AOPEP: variants seen among roughly 807,000 people sequenced by gnomAD.
AOPEP encodes the protein aminopeptidase O (putative).
A neutral mutation model predicts 98.1 loss-of-function variants in AOPEP; 77 were observed. That is an observed-to-expected ratio of 0.78 (90% CI 0.65 to 0.95). The LOEUF is 0.95. Ranked by LOEUF, AOPEP falls within the 40% of genes least tolerant of loss-of-function variation. AOPEP has a pLI of 0.00. For synonymous variants in AOPEP, 346 were observed against 365.3 expected (o/e 0.95, Z 0.60); for missense variants, 1,024 against 1,024.7 (o/e 1.00, Z 0.01).
At chr9:95,086,010 T>C in intron 16 of AOPEP, 2 of 1,366,630 alleles carry the variant, frequency 1.5e-6, no homozygotes, top group Non-Finnish European at 2.0e-6. Context: ...GGGCTGTCGA[T>C]TGGACCCGCC....
chr9:94,770,459 G>C (rs1248999056), intron 2 of AOPEP, among the ~76,000 whole-genome samples: 2 of 152,160 alleles, frequency 1.3e-5, no homozygotes, highest in Non-Finnish European at 2.9e-5. Context: ...CTGTTGGCCG[G>C]GGCTGCAGGT....
chr9:94,776,207 G>A (rs1338831778), intron 3 of AOPEP, among the ~76,000 whole-genome samples: 1 of 152,056 alleles, frequency 6.6e-6, no homozygotes, highest in African/African-American at 2.4e-5. Flanking sequence ...TAGCATGCTA[G>A]ACACATTTTT....
At chr9:94,957,681 A>G (rs1320932004) in intron 9 of AOPEP, among the ~76,000 whole-genome samples, 1 of 152,246 alleles carries the variant, frequency 6.6e-6, no homozygotes, top group Non-Finnish European at 1.5e-5. Flanking sequence ...CACCAAACCC[A>G]GAAGAAATCA....
chr9:95,121,944 G>T, the AOPEP span, among the ~76,000 whole-genome samples: 3 of 149,858 alleles, frequency 2.0e-5, no homozygotes, highest in Non-Finnish European at 4.4e-5. Context: ...TGCAAGCTCC[G>T]CCTCCCGGGT....
intron 13 of AOPEP, among the ~76,000 whole-genome samples, chr9:95,007,897 G>T (rs1194869781): frequency 6.6e-6 from 1 of 152,182 alleles, no homozygotes; most frequent in Non-Finnish European, 1.5e-5. Flanking sequence ...GCTAGGATTT[G>T]AACCTGTTAT....
At chr9:94,891,467 ATTC>A (rs1022162269) in intron 5 of AOPEP, among the ~76,000 whole-genome samples, 2 of 151,662 alleles carry the variant, frequency 1.3e-5, no homozygotes, top group African/African-American at 4.8e-5. Flanking sequence ...TTGTTTTGTT[ATTC>A]TTCTGTTTCT....
At chr9:94,878,759 C>T (rs947514061) in intron 5 of AOPEP, among the ~76,000 whole-genome samples, 4 of 152,156 alleles carry the variant, frequency 2.6e-5, no homozygotes, top group African/African-American at 9.7e-5. Context: ...GCTAACTTTG[C>T]CAATTTCAGT....
At chr9:94,826,020 T>A (rs1854449317) in intron 5 of AOPEP, among the ~76,000 whole-genome samples, 1 of 152,228 alleles carries the variant, frequency 6.6e-6, no homozygotes, top group Non-Finnish European at 1.5e-5. Flanking sequence ...TGACCCATAT[T>A]TTTTTAATGT....
At chr9:94,895,986 A>G (rs997756331) in intron 5 of AOPEP, among the ~76,000 whole-genome samples, 3 of 152,172 alleles carry the variant, frequency 2.0e-5, no homozygotes, top group Non-Finnish European at 4.4e-5. Context: ...AGCCTAAAAT[A>G]TTTGCTATCC....
At chr9:95,147,106 T>C in the AOPEP span, among the ~76,000 whole-genome samples, 2 of 151,752 alleles carry the variant, frequency 1.3e-5, no homozygotes, top group African/African-American at 4.8e-5. Context: ...TTTACAATAT[T>C]CTATTTGAAA....
At chr9:94,773,259 C>A in intron 3 of AOPEP, 91 bp downstream of exon 3, 1 of 1,165,298 alleles carries the variant, frequency 8.6e-7, no homozygotes, top group Non-Finnish European at 1.2e-6. Flanking sequence ...CTTTAAAGAG[C>A]TCCTTTATTA....
chr9:95,099,159 C>T, the AOPEP span: 5 of 216,820 alleles, frequency 2.3e-5, no homozygotes, highest in Admixed American at 5.8e-5. Flanking sequence ...AGGGGAATAA[C>T]AGCCTGGTTG....
chr9:94,753,692 C>T (rs1836348502), intron 1 of AOPEP, among the ~76,000 whole-genome samples: 1 of 152,096 alleles, frequency 6.6e-6, no homozygotes, highest in Non-Finnish European at 1.5e-5. Context: ...TTTTAAATAG[C>T]CAGCCAAATG....
chr9:95,105,494 CTGAGA>C, the AOPEP span, among the ~76,000 whole-genome samples: 1 of 152,202 alleles, frequency 6.6e-6, no homozygotes, highest in East Asian at 1.9e-4. Flanking sequence ...GGTGCTTTTT[CTGAGA>C]TGAGTATTTT....
At position 94,960,844 on chromosome 9, in the gene AOPEP, C is replaced by T. The variant is rs540681361; in HGVS notation, c.1872+4829C>T. Among the ~76,000 whole-genome samples the T allele has an allele frequency of 2.4e-4, 37 of 152,076 alleles. 1 individual carries two copies. In the South Asian group the frequency reaches 6.0e-3, roughly 25 times the overall value. On this transcript the variant is annotated intron_variant, in intron 9 of 16. Transcript: ENST00000375315. ...TGGCTAACACGGTGAAACCCCGTCT[C>T]TACTAAAAATACAAAAAATTAGCCG...
intron 4 of AOPEP, among the ~76,000 whole-genome samples, chr9:94,799,158 A>G (rs912723274): frequency 6.6e-5 from 10 of 152,324 alleles, no homozygotes. Flanking sequence ...AGTGAAAGGT[A>G]CTTCTTACAT....
the AOPEP span, among the ~76,000 whole-genome samples, chr9:95,122,047 A>C: frequency 1.3e-5 from 2 of 151,714 alleles, no homozygotes; most frequent in Non-Finnish European, 2.9e-5. Flanking sequence ...TTTAGTAGAG[A>C]CAGGGTTTCA....
chr9:94,886,569 A>T (rs185199492), intron 5 of AOPEP, among the ~76,000 whole-genome samples: 2 of 152,196 alleles, frequency 1.3e-5, no homozygotes, highest in African/African-American at 4.8e-5. Flanking sequence ...TGCAACAAAC[A>T]TATTAGTTTC....
the AOPEP span, chr9:95,111,630 C>A: frequency 2.4e-5 from 39 of 1,614,018 alleles, no homozygotes; most frequent in Non-Finnish European, 3.1e-5. Context: ...AAGGGACCTC[C>A]GCAGGACCTG....
Sources: allele counts gnomAD v4.1 joint callset (sites outside exome capture counted in the v4.1 genomes callset), GRCh38; gene constraint gnomAD v4.1.1; transcripts MANE v1.5; gene names NCBI Gene and HGNC (gene_info 2026-07-23, HGNC 2026-07-21).